The following LRRD1 variants were observed in gnomAD, a reference collection of about 807,000 sequenced individuals.
LRRD1 encodes the protein leucine rich repeats and death domain containing 1.
In LRRD1, 49 loss-of-function variants were observed where a neutral mutation model predicts 69.5. The observed-to-expected ratio is 0.70, with a 90% CI of 0.56 to 0.89. LRRD1 has a LOEUF of 0.89. Among genes scored for constraint, LRRD1 ranks in the 40% least tolerant of loss-of-function variants. The pLI is 0.00. For synonymous variants in LRRD1, 303 were observed against 338.9 expected (o/e 0.89, Z 1.16); for missense variants, 853 against 956.0 (o/e 0.89, Z 1.42).
intron 3 of LRRD1, among the ~76,000 whole-genome samples, chr7:92,152,934 C>T (rs530167039): frequency 1.3e-4 from 20 of 152,332 alleles, no homozygotes; most frequent in African/African-American, 4.8e-4. Context: ...TCCCAAAGTG[C>T]TGGGATTACA....
At chr7:92,149,042 T>C (rs1820402585) in intron 4 of LRRD1, among the ~76,000 whole-genome samples, 2 of 99,538 alleles carry the variant, frequency 2.0e-5, no homozygotes, top group African/African-American at 5.9e-5. Context: ...CCACCACACC[T>C]GGCCAAAAAT....
intron 1 of LRRD1, 177 bp downstream of exon 1, chr7:92,178,830 G>C (rs995282343): frequency 6.6e-6 from 1 of 152,230 alleles, no homozygotes; most frequent in Non-Finnish European, 1.5e-5. Context: ...GGGAGTTACA[G>C]TACTTTTTCA....
In LRRD1 at chr7:92,145,070, C is replaced by T. The variant is rs1038251991; in HGVS notation, c.2401G>A (p.Val801Ile). The stretch of plus-strand genomic sequence containing the variant: ...TGGTGGGCTCTCTCACTTAATGAAA[C>T]AGTGCTGAAAAACATTATTAATAAT... ...SETDMPTKST[V>I]SLSERAHQAL... Residue 801 changes from valine to isoleucine, a missense_variant, in exon 6 of 6, where the codon GTT (valine) becomes ATT (isoleucine). Val to Ile is a conservative substitution (Grantham distance 29, BLOSUM62 3). Coordinates refer to ENST00000458448, the MANE Select transcript of LRRD1 (RefSeq NM_001161528.2). The T allele has an allele frequency of 1.4e-6, 2 of 1,434,384 alleles. No individual in the cohort carries two copies. The highest frequency in any genetic ancestry group is 1.8e-6 in the Non-Finnish European group (2 of 1,081,660). 88.9% of individuals were successfully genotyped at this position (1,434,384 alleles called of 1,614,324 possible). A position where few individuals can be genotyped will look rare whatever the true frequency, so the allele number is the denominator to read the frequency against.
chr7:92,142,602 C>A (rs531439624), downstream of LRRD1: 3 of 446,596 alleles, frequency 6.7e-6, no homozygotes, highest in Non-Finnish European at 1.3e-5. Context: ...CCGACCCTCA[C>A]GGTCAGTGTT....
At chr7:92,152,140 A>AATGTGTGTGTGT (rs1820483571) in intron 3 of LRRD1, among the ~76,000 whole-genome samples, 1 of 142,832 alleles carries the variant, frequency 7.0e-6, no homozygotes, top group Non-Finnish European at 1.5e-5. Context: ...TGCTTCTGGG[A>AATGTGTGTGTGT]GTGTGTGTGT....
At chr7:92,160,091 A>C (rs1005098217) in intron 2 of LRRD1, among the ~76,000 whole-genome samples, 53 of 152,194 alleles carry the variant, frequency 3.5e-4, no homozygotes, top group African/African-American at 1.3e-3. Context: ...AATTCCTACT[A>C]TAAAAAGTGT....
chr7:92,168,093 A>G (rs936764667), intron 1 of LRRD1, among the ~76,000 whole-genome samples: 17 of 152,086 alleles, frequency 1.1e-4, no homozygotes, highest in African/African-American at 2.4e-4. Context: ...CCAGAACTCA[A>G]ACATGAGGAG....
Position 92,150,710 on chromosome 7 carries a change from T to A in LRRD1, c.2117-15A>T. On this transcript the variant is annotated splice_polypyrimidine_tract_variant and intron_variant, in intron 3 of 5. Coordinates refer to ENST00000458448, the MANE Select transcript of LRRD1 (RefSeq NM_001161528.2). ...CAGATTATTTCCTAGTAGAAAAAAATTAGAATTGAATTACATCTTTCTATA... is the reference window on the plus strand; with the variant it reads ...CAGATTATTTCCTAGTAGAAAAAAAATAGAATTGAATTACATCTTTCTATA... The A allele has an allele frequency of 6.7e-7, 1 of 1,500,452 alleles. No individual in the cohort carries two copies. Among genetic ancestry groups the A allele is most frequent in the Non-Finnish European group, 9.0e-7 (1 of 1,109,666 alleles). The allele number at this position is 1,500,452 out of a possible 1,614,324, so 92.9% of individuals were successfully genotyped here.
At chr7:92,167,456 A>C (rs1244002124) in intron 1 of LRRD1, among the ~76,000 whole-genome samples, 1 of 152,192 alleles carries the variant, frequency 6.6e-6, no homozygotes, top group Non-Finnish European at 1.5e-5. Context: ...GATGAAGGGT[A>C]GAAAGGAACT....
chr7:92,148,439 T>G (rs1176590258), intron 4 of LRRD1, among the ~76,000 whole-genome samples: 1 of 150,048 alleles, frequency 6.7e-6, no homozygotes, highest in Non-Finnish European at 1.5e-5. Context: ...TTAAAAAGTT[T>G]TATATATACT....
At chr7:92,143,084 T>A (rs1820207081), downstream of LRRD1, 1 of 180,032 alleles carries the variant, frequency 5.6e-6, no homozygotes, top group African/African-American at 2.4e-5. Context: ...TTACAATCCC[T>A]GAGCCAGACA....
At position 92,150,543 on chromosome 7, in the gene LRRD1, C is replaced by T; in HGVS notation, c.2269G>A (p.Glu757Lys). The T allele has an allele frequency of 6.5e-7, 1 of 1,543,604 alleles. No individual in the cohort carries two copies. Among genetic ancestry groups the T allele is most frequent in the Non-Finnish European group, 8.7e-7 (1 of 1,143,298 alleles). ...ATCACTCATCACCTACCATCTCTTTCATCTGCCCTCTGTAGATAGCGTGCA... is the reference window on the plus strand; with the variant it reads ...ATCACTCATCACCTACCATCTCTTTTATCTGCCCTCTGTAGATAGCGTGCA... ...TIARYLQRAD[E>K]RDEKILEKIF... Residue 757 changes from glutamate (E) to lysine (K), a missense_variant, in exon 4 of 6, where the codon GAA becomes AAA. Physicochemically the swap from Glu to Lys is moderately conservative, Grantham distance 56. Coordinates refer to ENST00000458448, the MANE Select transcript of LRRD1 (RefSeq NM_001161528.2).
chr7:92,143,846 C>T (rs992407304), downstream of LRRD1, among the ~76,000 whole-genome samples: 2 of 152,236 alleles, frequency 1.3e-5, no homozygotes, highest in Non-Finnish European at 2.9e-5. Context: ...GCGCCGAGAG[C>T]GAGCGAGGGC....
At position 92,164,131 on chromosome 7, in the gene LRRD1, C is replaced by T. The variant is rs753430891; in HGVS notation, c.1072G>A (p.Asp358Asn). ...TGTGAAATAACTTCCAATTTATTGTCGGCCAGTTGGAGTTCTTTTATTTTG... is the reference window on the plus strand; with the variant it reads ...TGTGAAATAACTTCCAATTTATTGTTGGCCAGTTGGAGTTCTTTTATTTTG... Reference protein sequence around the residue: ...LLKIKELQLADNKLEVISHKI... With the variant: ...LLKIKELQLANNKLEVISHKI... Residue 358 changes from aspartate to asparagine, a missense_variant, in exon 2 of 6, where the codon GAC becomes AAC. Asp to Asn is a conservative substitution (Grantham distance 23). This residue lies in a region of LRRD1 where 739 missense variants were observed against 808.0 expected (regional missense o/e 0.91). Transcript: ENST00000458448. 81 of 1,549,770 alleles carry T rather than the reference C, an allele frequency of 5.2e-5. No individual in the cohort carries two copies. The highest frequency in any genetic ancestry group is 1.7e-4 in the Middle Eastern group (1 of 6,004).
rs1384669486 is a variant in LRRD1 at position 92,164,182 on chromosome 7, G to A, written c.1021C>T (p.Leu341=). 1 of 1,548,004 alleles carries A rather than the reference G, an allele frequency of 6.5e-7. No homozygotes were observed. The highest frequency in any genetic ancestry group is 2.5e-5 in the East Asian group (1 of 40,782). Residue 341 remains leucine (L), a synonymous_variant, in exon 2 of 6, where the codon CTG becomes TTG. Coordinates refer to ENST00000458448, the MANE Select transcript of LRRD1 (RefSeq NM_001161528.2). The part of the protein sequence containing the change: ...LLMDHNKLTF[L]AVEIFQLLKI... ...AGTAACTGAAAAATTTCTACAGCCA[G>A]AAAGGTAAGCTTATTGTGATCCATT...
At chr7:92,155,391 T>C (rs990223881) in intron 3 of LRRD1, among the ~76,000 whole-genome samples, 1 of 152,182 alleles carries the variant, frequency 6.6e-6, no homozygotes. Context: ...ATTTTAAATT[T>C]ATGAATTGTT....
chr7:92,171,473 A>G (rs1379360443), intron 1 of LRRD1, among the ~76,000 whole-genome samples: 1 of 152,216 alleles, frequency 6.6e-6, no homozygotes, highest in Non-Finnish European at 1.5e-5. Flanking sequence ...AGATTAAACT[A>G]TGAAGAAATA....
intron 4 of LRRD1, 69 bp from the exon 5 acceptor site, chr7:92,146,269 T>G: frequency 2.7e-6 from 2 of 750,276 alleles, no homozygotes; most frequent in South Asian, 4.5e-5. Flanking sequence ...TCATATTATA[T>G]CTAGTTTTCT....
intron 1 of LRRD1, among the ~76,000 whole-genome samples, chr7:92,168,831 C>A (rs74656422): frequency 0.054 from 8,277 of 152,134 alleles, 298 homozygotes; most frequent in Non-Finnish European, 0.081. Flanking sequence ...CCATGATGTC[C>A]CCAAACAGAC....
Sources: gnomAD v4.1 joint callset for allele counts (sites outside exome capture counted in the v4.1 genomes callset) on GRCh38, gnomAD v4.1.1 for gene constraint, gnomAD v4.1.1 regional missense constraint, MANE v1.5 for transcripts, NCBI Gene and HGNC (gene_info 2026-07-23, HGNC 2026-07-21) for gene names.